GLMN: variants seen among roughly 807,000 people sequenced by gnomAD.
The protein encoded by GLMN is glomulin.
GLMN carries 75 observed loss-of-function variants against 87.8 expected under a neutral mutation model. That is an observed-to-expected ratio of 0.85 (90% CI 0.71 to 1.04). The LOEUF (loss-of-function observed/expected upper bound fraction) is 1.04, where lower values mean the gene tolerates loss of function less well. Ranked by LOEUF, GLMN falls within the 50% of genes least tolerant of loss-of-function variation. The pLI is 0.00. For missense variants in GLMN, 588 were observed against 658.8 expected (o/e 0.89, Z 1.18); for synonymous variants, 206 against 221.6 (o/e 0.93, Z 0.63).
chr1:92,347,881 T>C, the GLMN span, among the ~76,000 whole-genome samples: 16 of 152,180 alleles, frequency 1.1e-4, no homozygotes, highest in African/African-American at 3.9e-4. Flanking sequence ...TTTACTGTAG[T>C]GTATCGCATG....
At chr1:92,265,538 G>A (rs7520675) in intron 13 of GLMN, among the ~76,000 whole-genome samples, 14,343 of 152,120 alleles carry the variant, frequency 0.094, 2,003 homozygotes, top group African/African-American at 0.31. Flanking sequence ...CACTTTGGGA[G>A]GCTGAGGTGG....
the GLMN span, among the ~76,000 whole-genome samples, chr1:92,354,737 C>T: frequency 1.2e-3 from 175 of 152,088 alleles, no homozygotes; most frequent in Non-Finnish European, 1.9e-3. Flanking sequence ...TTCATAGTGA[C>T]ATACTTCTTA....
At chr1:92,346,503 G>T in the GLMN span, among the ~76,000 whole-genome samples, 3 of 152,092 alleles carry the variant, frequency 2.0e-5, no homozygotes, top group Admixed American at 6.5e-5. Flanking sequence ...CTCATGTGGA[G>T]TATATACAGA....
chr1:92,363,834 A>G, the GLMN span: 1 of 256,586 alleles, frequency 3.9e-6, no homozygotes, highest in Non-Finnish European at 7.8e-6. Context: ...TTACTTTATT[A>G]TAAGGATCTA....
At chr1:92,357,923 A>C in the GLMN span, among the ~76,000 whole-genome samples, 1 of 152,072 alleles carries the variant, frequency 6.6e-6, no homozygotes, top group African/African-American at 2.4e-5. Context: ...GTGGAGTTTC[A>C]TTTGCTCGTT....
At chr1:92,260,629 G>A (rs969416606) in intron 16 of GLMN, among the ~76,000 whole-genome samples, 1 of 149,854 alleles carries the variant, frequency 6.7e-6, no homozygotes, top group Non-Finnish European at 1.5e-5. Context: ...AAAAAAAGAA[G>A]TGCCTGTAAT....
At chr1:92,253,196 G>GA (rs11449710) in intron 16 of GLMN, among the ~76,000 whole-genome samples, 130,863 of 151,940 alleles carry the variant, frequency 0.86, 56,790 homozygotes, top group East Asian at 1. Context: ...AATGGAAATT[G>GA]AAAAAAAACT....
the GLMN span, among the ~76,000 whole-genome samples, chr1:92,368,369 ACT>A: frequency 2.1e-4 from 32 of 152,048 alleles, no homozygotes; most frequent in Admixed American, 9.8e-4. Context: ...ACAGAGCAAG[ACT>A]CTGTCTCAAA....
chr1:92,290,103 A>G (rs1379487150), intron 5 of GLMN, 95 bp downstream of exon 5: 2 of 770,708 alleles, frequency 2.6e-6, no homozygotes, highest in Non-Finnish European at 4.7e-6. Flanking sequence ...AATTAGCTGT[A>G]AACTTTACTT....
rs760218331 is a variant in GLMN, at chr1:92,247,151, GA to G, written c.1586-8del. 6.9e-7 allele frequency: 1 copy of G among 1,440,156 alleles called. No homozygotes were observed. 89.2% of individuals were successfully genotyped at this position (1,440,156 alleles called of 1,614,324 possible). ...TCTTTAGATTTCTGGGCCTCTGTAA[GA>G]GAAGAAAAATCATGTGTGACACTTA... On this transcript the variant is annotated splice_polypyrimidine_tract_variant and splice_region_variant and intron_variant, in intron 17 of 18. Coordinates refer to ENST00000370360, the MANE Select transcript of GLMN (RefSeq NM_053274.3).
the GLMN span, among the ~76,000 whole-genome samples, chr1:92,328,020 TCTG>T: frequency 1.3e-5 from 2 of 152,218 alleles, no homozygotes; most frequent in Non-Finnish European, 2.9e-5. Flanking sequence ...TGCTGAGAAA[TCTG>T]CTGTTAATCT....
intron 16 of GLMN, among the ~76,000 whole-genome samples, chr1:92,250,011 C>CTTTTTACTTTGCATTCACCTCTGGGT (rs1553133163): frequency 6.8e-6 from 1 of 146,596 alleles, no homozygotes; most frequent in African/African-American, 2.5e-5. Context: ...TTTTTTTTTT[C>CTTTTTACTTTGCATTCACCTCTGGGT]TTTTTACTTT....
chr1:92,269,121 C>T (rs1382685452), intron 9 of GLMN, among the ~76,000 whole-genome samples: 9 of 150,872 alleles, frequency 6.0e-5, no homozygotes, highest in Non-Finnish European at 8.8e-5. Context: ...AGACTGGTTT[C>T]GAACTCCTGG....
At chr1:92,271,397 A>G (rs1020582931) in intron 8 of GLMN, 68 bp downstream of exon 8, 21 of 1,140,720 alleles carry the variant, frequency 1.8e-5, no homozygotes, top group Non-Finnish European at 2.8e-5. Flanking sequence ...TATATTGGAC[A>G]TTAGATAAAT....
At chr1:92,295,207 CCTCA>C (rs1649892224) in intron 3 of GLMN, among the ~76,000 whole-genome samples, 1 of 152,076 alleles carries the variant, frequency 6.6e-6, no homozygotes, top group Non-Finnish European at 1.5e-5. Context: ...TGGTGCTGAT[CCTCA>C]TCTCCTTGGC....
At chr1:92,301,726 C>A, upstream of GLMN, 1 of 425,438 alleles carries the variant, frequency 2.4e-6, no homozygotes. Flanking sequence ...CCATATAATT[C>A]ATGCATTTAA....
upstream of GLMN, chr1:92,299,024 T>A (rs1166123208): frequency 9.0e-6 from 10 of 1,109,458 alleles, no homozygotes; most frequent in South Asian, 1.6e-5. Flanking sequence ...AGGCGGGGCC[T>A]CGGGGCGAGA....
At chr1:92,336,931 A>G in the GLMN span, among the ~76,000 whole-genome samples, 1 of 152,056 alleles carries the variant, frequency 6.6e-6, no homozygotes, top group Non-Finnish European at 1.5e-5. Flanking sequence ...AGAATAGAGA[A>G]TTGATATCAA....
chr1:92,329,454 C>A, the GLMN span, among the ~76,000 whole-genome samples: 1 of 152,328 alleles, frequency 6.6e-6, no homozygotes, highest in Non-Finnish European at 1.5e-5. Context: ...ACCGTGCCCC[C>A]ACAACAGCAC....
Sources: gnomAD v4.1 joint callset for allele counts (sites outside exome capture counted in the v4.1 genomes callset) on GRCh38, gnomAD v4.1.1 for gene constraint, MANE v1.5 for transcripts, NCBI Gene and HGNC (gene_info 2026-07-23, HGNC 2026-07-21) for gene names.